The following TSPAN9 variants were observed in gnomAD, a reference collection of about 807,000 sequenced individuals.
The protein encoded by TSPAN9 is tetraspanin 9, also known as tetraspanin-9.
A neutral mutation model predicts 31.0 loss-of-function variants in TSPAN9; 16 were observed. That is an observed-to-expected ratio of 0.52 (90% confidence interval 0.35 to 0.78). The LOEUF (loss-of-function observed/expected upper bound fraction) is 0.78, where lower values mean the gene tolerates loss of function less well. Among genes scored for constraint, TSPAN9 ranks in the 30% least tolerant of loss-of-function variants. The pLI is 0.01. For missense variants in TSPAN9, 272 were observed against 312.5 expected (o/e 0.87, Z 0.98); for synonymous variants, 145 against 121.6 (o/e 1.19, Z -1.27).
chr12:3,209,982 AAAAATT>A (rs1313228874), intron 3 of TSPAN9, among the ~76,000 whole-genome samples: 8 of 94,254 alleles, frequency 8.5e-5, no homozygotes, highest in Middle Eastern at 5.7e-3. Flanking sequence ...AAAAAAAAAA[AAAAATT>A]AGCCGGGTGT....
chr12:3,256,615 AT>A (rs1456452712), intron 3 of TSPAN9, among the ~76,000 whole-genome samples: 8 of 152,134 alleles, frequency 5.3e-5, no homozygotes, highest in Non-Finnish European at 1.2e-4. Flanking sequence ...GCTGATTGGC[AT>A]TTCTTGAGCT....
chr12:3,109,997 C>T (rs551197140), intron 2 of TSPAN9, among the ~76,000 whole-genome samples: 1 of 152,170 alleles, frequency 6.6e-6, no homozygotes, highest in South Asian at 2.1e-4. Context: ...TCTGCAGCAC[C>T]AGGAGGGGCT....
intron 2 of TSPAN9, among the ~76,000 whole-genome samples, chr12:3,127,272 C>T (rs567106343): frequency 8.5e-5 from 13 of 152,074 alleles, no homozygotes; most frequent in East Asian, 5.8e-4. Context: ...CAATACATAA[C>T]GGAGCTGTCG....
rs1225403356 is a variant in TSPAN9 at position 3,147,221 on chromosome 12, G to T, written c.-17-53956G>T. Among the ~76,000 whole-genome samples the T allele has an allele frequency of 6.6e-6, 1 of 152,132 alleles. No individual in the cohort carries two copies. Among genetic ancestry groups the T allele is most frequent in the Non-Finnish European group, 1.5e-5 (1 of 68,026 alleles). On this transcript the variant is annotated intron_variant, in intron 2 of 8. Transcript: ENST00000011898. This position sits in a 1 kb window ranked among gnomAD's most constrained non-coding sequence, Gnocchi z 4.3. Reference sequence around the variant, plus strand: ...CGCTCCAGCCTGGAACCCAGGTGAGGTATGGAGGAGCTGCTGGGCAGCAGG... The same window carrying T: ...CGCTCCAGCCTGGAACCCAGGTGAGTTATGGAGGAGCTGCTGGGCAGCAGG...
chr12:3,232,075 T>A (rs2098391046), intron 3 of TSPAN9, among the ~76,000 whole-genome samples: 1 of 152,192 alleles, frequency 6.6e-6, no homozygotes, highest in Non-Finnish European at 1.5e-5. Context: ...GGAACTGCAG[T>A]CCTGGATTTT....
In TSPAN9 at chr12:3,081,844, G is replaced by GTATATATATATATATATATA. The variant is rs57307487; in HGVS notation, c.-84-1800_-84-1799insATATATATATATATATATAT. 4.0e-3 allele frequency among the ~76,000 whole-genome samples: 468 copies of GTATATATATATATATATATA among 116,748 alleles called. 10 individuals carry two copies. Among genetic ancestry groups the GTATATATATATATATATATA allele is most frequent in the African/African-American group, 5.5e-3 (150 of 27,438 alleles). The allele number at this position is 116,748 out of a possible 152,430, so 76.6% of individuals were successfully genotyped here. ...TGTGTGTGTGTGTGTGTCTGTGTGT[G>GTATATATATATATATATATA]TATATATATGCCAGGTGTGGTGGTA... On this transcript the variant is annotated intron_variant, in intron 1 of 8. Coordinates refer to ENST00000011898, the MANE Select transcript of TSPAN9 (RefSeq NM_006675.5).
chr12:3,271,559 A>AT (rs1862679054), intron 3 of TSPAN9, among the ~76,000 whole-genome samples: 2 of 140,682 alleles, frequency 1.4e-5, no homozygotes, highest in Admixed American at 1.4e-4. Context: ...AAAAAAAAAA[A>AT]GAAGAATGGA....
intron 3 of TSPAN9, among the ~76,000 whole-genome samples, chr12:3,259,790 A>G (rs538584788): frequency 1.3e-5 from 2 of 152,302 alleles, no homozygotes; most frequent in South Asian, 4.2e-4. Flanking sequence ...CGGCCGTGGG[A>G]AGGACTCTGT....
chr12:3,114,948 A>G (rs992331506), intron 2 of TSPAN9, among the ~76,000 whole-genome samples: 11 of 151,990 alleles, frequency 7.2e-5, no homozygotes, highest in African/African-American at 1.2e-4. Context: ...GAGTTTGTCT[A>G]TCTGAAGAGG....
At chr12:3,174,735 A>C (rs1353758753) in intron 2 of TSPAN9, among the ~76,000 whole-genome samples, 9 of 141,702 alleles carry the variant, frequency 6.4e-5, no homozygotes, top group South Asian at 2.6e-4. Context: ...GGCGCCCACC[A>C]CCGCGCCCGG....
At chr12:3,110,059 A>G (rs908014402) in intron 2 of TSPAN9, among the ~76,000 whole-genome samples, 9 of 152,112 alleles carry the variant, frequency 5.9e-5, no homozygotes, top group African/African-American at 1.7e-4. Flanking sequence ...CCCACTCCCC[A>G]GATCTCTGCC....
chr12:3,201,346 A>G, intron 3 of TSPAN9, 90 bp downstream of exon 3: 2 of 1,298,864 alleles, frequency 1.5e-6, no homozygotes, highest in Non-Finnish European at 2.2e-6. Context: ...TCTGTGCTGC[A>G]TTGCTCTGCT....
intron 3 of TSPAN9, among the ~76,000 whole-genome samples, chr12:3,268,791 GCCTGCCCTCTCTGTGTTCCTGCAA>G (rs1199614011): frequency 0.11 from 8,380 of 78,014 alleles, 1,508 homozygotes; most frequent in Non-Finnish European, 0.16. Context: ...TGTTCCTGCA[GCCTGCCCTCTCTGTGTTCCTGCAA>G]CCTGCCCTCC....
At chr12:3,146,254 C>T (rs1372959935) in intron 2 of TSPAN9, among the ~76,000 whole-genome samples, 2 of 152,164 alleles carry the variant, frequency 1.3e-5, no homozygotes, top group East Asian at 3.9e-4. Flanking sequence ...CGCTGGGATG[C>T]GAGGTCAGGG....
At chr12:3,229,330 T>G (rs1217785407) in intron 3 of TSPAN9, among the ~76,000 whole-genome samples, 1 of 152,214 alleles carries the variant, frequency 6.6e-6, no homozygotes, top group Non-Finnish European at 1.5e-5. Flanking sequence ...TCAACCTCAT[T>G]GGTCTCGTGG....
chr12:3,264,308 C>T (rs1450654940), intron 3 of TSPAN9, among the ~76,000 whole-genome samples: 1 of 152,172 alleles, frequency 6.6e-6, no homozygotes, highest in African/African-American at 2.4e-5. Context: ...CCTTCTGGGT[C>T]ACAGAACAGC....
intron 2 of TSPAN9, among the ~76,000 whole-genome samples, chr12:3,085,267 T>C (rs1407481638): frequency 2.6e-5 from 4 of 151,362 alleles, no homozygotes; most frequent in African/African-American, 4.9e-5. Context: ...ACCGTCCTGC[T>C]GTGCGGCATG....
intron 2 of TSPAN9, among the ~76,000 whole-genome samples, chr12:3,144,350 C>G (rs1394855717): frequency 6.6e-6 from 1 of 152,188 alleles, no homozygotes; most frequent in Admixed American, 6.5e-5. Context: ...ATCTGTCTAC[C>G]TTGGCCTCCC....
chr12:3,178,915 C>T (rs1376976417), intron 2 of TSPAN9, among the ~76,000 whole-genome samples: 6 of 152,114 alleles, frequency 3.9e-5, no homozygotes, highest in South Asian at 4.1e-4. Context: ...CTGTGGCTCG[C>T]GCCCATCCCC....
Sources: gnomAD v4.1 joint callset for allele counts (sites outside exome capture counted in the v4.1 genomes callset) on GRCh38, gnomAD v4.1.1 for gene constraint, Gnocchi (gnomAD v3.1) non-coding constraint, MANE v1.5 for transcripts, NCBI Gene and HGNC (gene_info 2026-07-23, HGNC 2026-07-21) for gene names.